Variants in KIAA1671 observed in about 807,000 individuals in gnomAD.
KIAA1671 encodes the protein uncharacterized protein KIAA1671.
In KIAA1671, 52 loss-of-function variants were observed where a neutral mutation model predicts 131.2. The ratio of observed to expected loss-of-function variants is 0.40; its 90% CI spans 0.32 to 0.50. KIAA1671 has a LOEUF of 0.50. Ranked by LOEUF, KIAA1671 falls within the 20% of genes least tolerant of loss-of-function variation. The pLI, the probability that KIAA1671 is intolerant of heterozygous loss-of-function variation, is 0.73. For synonymous variants in KIAA1671, 1,003 were observed against 961.6 expected (o/e 1.04, Z -0.80); for missense variants, 2,360 against 2,364.2 (o/e 1.00, Z 0.04).
At chr22:25,094,623 T>C (rs1170400795) in intron 6 of KIAA1671, among the ~76,000 whole-genome samples, 1 of 152,106 alleles carries the variant, frequency 6.6e-6, no homozygotes, top group Admixed American at 6.5e-5. Flanking sequence ...GGCCTCCTTT[T>C]CTTTCTGAAA....
chr22:25,091,723 C>T (rs923462657), intron 6 of KIAA1671, among the ~76,000 whole-genome samples: 2 of 152,126 alleles, frequency 1.3e-5, no homozygotes, highest in Non-Finnish European at 1.5e-5. Flanking sequence ...GCTGTATCTC[C>T]GTTACAGGAT....
chr22:25,163,782 C>T (rs11912376), intron 6 of KIAA1671, among the ~76,000 whole-genome samples: 12,605 of 152,056 alleles, frequency 0.083, 1,703 homozygotes, highest in African/African-American at 0.28. Flanking sequence ...TGTATTTCAC[C>T]GTCTCCTGCC....
chr22:25,110,551 G>T (rs713761), intron 6 of KIAA1671, among the ~76,000 whole-genome samples: 21,824 of 152,076 alleles, frequency 0.14, 1,591 homozygotes, highest in South Asian at 0.22. Context: ...AGTGGGGTTG[G>T]GGGGACATGG....
At chr22:25,180,444 A>G (rs911148819) in intron 9 of KIAA1671, among the ~76,000 whole-genome samples, 1 of 152,200 alleles carries the variant, frequency 6.6e-6, no homozygotes, top group Non-Finnish European at 1.5e-5. Context: ...AGGCTGAGGC[A>G]GGAGAATCGA....
intron 6 of KIAA1671, among the ~76,000 whole-genome samples, chr22:25,154,385 G>A (rs1244241530): frequency 6.6e-6 from 1 of 152,216 alleles, no homozygotes; most frequent in Non-Finnish European, 1.5e-5. Context: ...TTCCTCCTCA[G>A]GACAGACAGG....
intron 6 of KIAA1671, among the ~76,000 whole-genome samples, chr22:25,107,022 C>T (rs1344953446): frequency 6.6e-6 from 1 of 152,202 alleles, no homozygotes; most frequent in Admixed American, 6.5e-5. Flanking sequence ...AGTGCCCCCC[C>T]ACCCCAACCT....
Position 25,085,876 on chromosome 22 carries a change from T to C in KIAA1671, c.4530+36512T>C, listed in dbSNP as rs1929692348. Among the ~76,000 whole-genome samples, 4 of 152,056 alleles carry C rather than the reference T, an allele frequency of 2.6e-5. No homozygotes were observed. The South Asian group carries it at 8.3e-4, about 32-fold the overall frequency. ...GCACATCTGTGTCCCTGACACATAG[T>C]AGGCACTCAATAAATACTCACTGCA... On this transcript the variant is annotated intron_variant, in intron 6 of 12. Transcript: ENST00000358431.
intron 2 of KIAA1671, 128 bp from the exon 3 acceptor site, chr22:25,027,817 G>A (rs1244812586): frequency 3.9e-6 from 2 of 517,588 alleles, no homozygotes; most frequent in Non-Finnish European, 6.6e-6. Context: ...TGCCGGGTGA[G>A]GTCAGCAGAG....
chr22:25,179,403 G>C, intron 9 of KIAA1671: 1 of 1,611,348 alleles, frequency 6.2e-7, no homozygotes, highest in Non-Finnish European at 8.5e-7. Context: ...GGCCAGGTGC[G>C]CCTCGCGGAT....
intron 6 of KIAA1671, among the ~76,000 whole-genome samples, chr22:25,127,032 C>G (rs1932213963): frequency 1.3e-5 from 2 of 152,148 alleles, no homozygotes; most frequent in South Asian, 4.1e-4. Context: ...GGTGTGACCT[C>G]TTAAGATCTT....
intron 1 of KIAA1671, among the ~76,000 whole-genome samples, chr22:25,016,606 G>A (rs1485751226): frequency 2.6e-5 from 4 of 152,196 alleles, no homozygotes; most frequent in East Asian, 1.9e-4. Context: ...TAGGGTGGAG[G>A]ACATGGATTC....
chr22:25,194,619 C>A lies in KIAA1671; in HGVS notation c.*2218C>A, dbSNP rs994174179. 1 of 152,158 alleles carries A rather than the reference C, an allele frequency of 6.6e-6. No homozygotes were observed. Among genetic ancestry groups the A allele is most frequent in the African/African-American group, 2.4e-5 (1 of 41,442 alleles). 9.4% of individuals were successfully genotyped at this position (152,158 alleles called of 1,614,324 possible). On this transcript the variant is annotated 3_prime_UTR_variant, in exon 13 of 13. Transcript: ENST00000358431. ...GACCTGGAGATTTTTTTTCCCTAAT[C>A]TCTCATACCTTAATTGGAAAAATAA... is the stretch of plus-strand genomic sequence containing the variant.
rs117774589 is a variant in KIAA1671, at chr22:24,982,997, T to C, written c.-208+30225T>C. On this transcript the variant is annotated intron_variant, in intron 1 of 12. Coordinates refer to ENST00000358431, the MANE Select transcript of KIAA1671 (RefSeq NM_001145206.2). Reference sequence around the variant, plus strand: ...GCATCTGTTGAATTCATTTGGAAAGTACTCCTCTGACACCTGCTGTGGGCC... The same window carrying C: ...GCATCTGTTGAATTCATTTGGAAAGCACTCCTCTGACACCTGCTGTGGGCC... Among the ~76,000 whole-genome samples, 1,437 of 152,234 alleles carry C rather than the reference T, an allele frequency of 9.4e-3. 33 individuals carry two copies. The highest frequency in any genetic ancestry group is 0.071 in the South Asian group (341 of 4,814).
chr22:25,148,585 G>A (rs1384422305), intron 6 of KIAA1671, among the ~76,000 whole-genome samples: 1 of 152,200 alleles, frequency 6.6e-6, no homozygotes, highest in African/African-American at 2.4e-5. Context: ...ACATGAGTAG[G>A]GAGGAGCATC....
chr22:25,160,072 A>G (rs1269710194), intron 6 of KIAA1671, among the ~76,000 whole-genome samples: 1 of 152,206 alleles, frequency 6.6e-6, no homozygotes, highest in East Asian at 1.9e-4. Context: ...CGTTTTGTAA[A>G]CACTGGACAT....
intron 6 of KIAA1671, among the ~76,000 whole-genome samples, chr22:25,158,452 A>G (rs1933317250): frequency 6.6e-6 from 1 of 152,114 alleles, no homozygotes; most frequent in Non-Finnish European, 1.5e-5. Context: ...AATAATTTCT[A>G]TGATGGGGTG....
intron 6 of KIAA1671, among the ~76,000 whole-genome samples, chr22:25,130,172 T>C (rs924506580): frequency 2.0e-5 from 3 of 151,310 alleles, no homozygotes; most frequent in African/African-American, 4.9e-5. Flanking sequence ...TAAACTGTTA[T>C]ACATAAATAT....
intron 1 of KIAA1671, among the ~76,000 whole-genome samples, chr22:25,009,194 C>G (rs918192017): frequency 6.6e-6 from 1 of 151,498 alleles, no homozygotes; most frequent in Non-Finnish European, 1.5e-5. Context: ...CTTTTCTTGC[C>G]TCCTGGCTTA....
chr22:25,025,093 A>G (rs1257300755), intron 1 of KIAA1671, among the ~76,000 whole-genome samples: 4 of 74,720 alleles, frequency 5.4e-5, no homozygotes, highest in Non-Finnish European at 8.5e-5. Flanking sequence ...TAATGTAGCT[A>G]CCAAGTGAAG....
Sources: allele counts gnomAD v4.1 joint callset (sites outside exome capture counted in the v4.1 genomes callset), GRCh38; gene constraint gnomAD v4.1.1; transcripts MANE v1.5; gene names NCBI Gene and HGNC (gene_info 2026-07-23, HGNC 2026-07-21).